SLC2A13: variants seen among roughly 807,000 people sequenced by gnomAD.
SLC2A13 encodes the protein proton myo-inositol cotransporter.
In SLC2A13, 32 loss-of-function variants were observed where a neutral mutation model predicts 64.4. The observed-to-expected ratio is 0.50, with a 90% CI of 0.37 to 0.67. The LOEUF is 0.67. Among genes scored for constraint, SLC2A13 ranks in the 30% least tolerant of loss-of-function variants. SLC2A13 has a pLI of 0.00. For missense variants in SLC2A13, 743 were observed against 829.2 expected, an observed-to-expected ratio of 0.90 and a Z score of 1.28; for synonymous variants, 338 against 327.1, an observed-to-expected ratio of 1.03 and a Z score of -0.36.
intron 3 of SLC2A13, among the ~76,000 whole-genome samples, chr12:39,969,238 T>G (rs1427374743): frequency 1.3e-5 from 2 of 152,208 alleles, no homozygotes; most frequent in Non-Finnish European, 2.9e-5. Flanking sequence ...TTTGCTATTG[T>G]GAGTAGTGCC....
chr12:39,948,830 A>G (rs1468959394), intron 4 of SLC2A13, among the ~76,000 whole-genome samples: 1 of 152,188 alleles, frequency 6.6e-6, no homozygotes, highest in Non-Finnish European at 1.5e-5. Context: ...AAATATCCAT[A>G]GAAAAGATAT....
At chr12:40,085,661 T>A (rs1425409672) in intron 1 of SLC2A13, among the ~76,000 whole-genome samples, 1 of 152,206 alleles carries the variant, frequency 6.6e-6, no homozygotes, top group Non-Finnish European at 1.5e-5. Context: ...GGGGCCTAAG[T>A]AGGTGGCAGA....
intron 4 of SLC2A13, among the ~76,000 whole-genome samples, chr12:39,896,260 ATGTGTG>A (rs773197114): frequency 1.1e-5 from 1 of 94,806 alleles, no homozygotes; most frequent in African/African-American, 3.8e-5. Flanking sequence ...ATGTATGTAT[ATGTGTG>A]TATATATGTA....
chr12:39,770,828 T>G (rs556052297), intron 7 of SLC2A13, among the ~76,000 whole-genome samples: 8 of 152,280 alleles, frequency 5.3e-5, no homozygotes, highest in African/African-American at 1.9e-4. Context: ...CCTTTATACT[T>G]TTAAGTCCAA....
intron 4 of SLC2A13, among the ~76,000 whole-genome samples, chr12:39,876,588 G>A (rs1944189773): frequency 1.3e-5 from 2 of 152,096 alleles, no homozygotes; most frequent in South Asian, 4.1e-4. Context: ...ACTGATAATA[G>A]AGAGGTAGAA....
At chr12:40,100,883 T>C (rs1939121019) in intron 1 of SLC2A13, among the ~76,000 whole-genome samples, 1 of 142,432 alleles carries the variant, frequency 7.0e-6, no homozygotes, top group African/African-American at 2.7e-5. Context: ...GAGAATCGCT[T>C]GAACCTGGGA....
intron 6 of SLC2A13, among the ~76,000 whole-genome samples, chr12:39,843,806 G>GT (rs1375456172): frequency 1.3e-5 from 2 of 151,910 alleles, no homozygotes; most frequent in East Asian, 1.9e-4. Context: ...TTTTGTTATT[G>GT]TTTTTTAATA....
chr12:40,065,254 C>G (rs1377077155), intron 1 of SLC2A13, among the ~76,000 whole-genome samples: 1 of 152,100 alleles, frequency 6.6e-6, no homozygotes, highest in East Asian at 1.9e-4. Context: ...ACTCAAATCT[C>G]TCTGCTACCC....
chr12:39,851,840 C>A (rs1224138140), intron 6 of SLC2A13, among the ~76,000 whole-genome samples: 2 of 152,118 alleles, frequency 1.3e-5, no homozygotes, highest in Non-Finnish European at 2.9e-5. Context: ...CCATCTATTT[C>A]CCTGTGTCAA....
intron 7 of SLC2A13, among the ~76,000 whole-genome samples, chr12:39,805,718 G>T (rs1410227951): frequency 6.6e-6 from 1 of 152,208 alleles, no homozygotes; most frequent in South Asian, 2.1e-4. Flanking sequence ...AGTGAAGGGA[G>T]TTGGAGGAGG....
At chr12:40,058,734 C>T (rs1443335453) in intron 1 of SLC2A13, among the ~76,000 whole-genome samples, 1 of 152,120 alleles carries the variant, frequency 6.6e-6, no homozygotes, top group African/African-American at 2.4e-5. Context: ...AAACTTTTTC[C>T]TGTAGGGCTG....
At chr12:39,768,067 G>A (rs1461486331) in intron 7 of SLC2A13, among the ~76,000 whole-genome samples, 3 of 152,032 alleles carry the variant, frequency 2.0e-5, no homozygotes, top group African/African-American at 7.2e-5. Context: ...ATAACTTGAC[G>A]CAGCTTCTCC....
intron 4 of SLC2A13, among the ~76,000 whole-genome samples, chr12:39,899,358 G>T (rs1479207579): frequency 6.6e-6 from 1 of 152,058 alleles, no homozygotes; most frequent in African/African-American, 2.4e-5. Context: ...GCATCTATTT[G>T]ATTCTCCTCT....
At chr12:39,862,118 T>G (rs1396447942) in intron 6 of SLC2A13, among the ~76,000 whole-genome samples, 1 of 152,226 alleles carries the variant, frequency 6.6e-6, no homozygotes, top group Non-Finnish European at 1.5e-5. Context: ...AGACATTCTT[T>G]AATACATTCA....
At chr12:39,783,185 A>G (rs1159053917) in intron 7 of SLC2A13, among the ~76,000 whole-genome samples, 2 of 152,166 alleles carry the variant, frequency 1.3e-5, no homozygotes, top group Non-Finnish European at 2.9e-5. Context: ...CCATGTCCCT[A>G]CGAAGGACAT....
At chr12:39,896,575 T>C (rs1286783170) in intron 4 of SLC2A13, among the ~76,000 whole-genome samples, 1 of 76,086 alleles carries the variant, frequency 1.3e-5, no homozygotes, top group African/African-American at 4.8e-5. Context: ...TATGTATGTA[T>C]GTGTGTATAT....
intron 2 of SLC2A13, among the ~76,000 whole-genome samples, chr12:40,029,421 G>A (rs942488440): frequency 1.3e-5 from 2 of 152,058 alleles, no homozygotes; most frequent in African/African-American, 4.8e-5. Context: ...ACTTCTCTAG[G>A]TATGTTCTAG....
intron 3 of SLC2A13, among the ~76,000 whole-genome samples, chr12:39,966,120 T>C (rs1946507913): frequency 1.4e-5 from 2 of 138,824 alleles, no homozygotes; most frequent in South Asian, 2.3e-4. Context: ...TAGAGATGTG[T>C]GTGTGTATAT....
intron 7 of SLC2A13, chr12:39,829,404 T>TTTTTTTTTG (rs1942790449): frequency 9.6e-6 from 1 of 103,976 alleles, no homozygotes; most frequent in Admixed American, 1.2e-4. Context: ...TTTTTTTTTT[T>TTTTTTTTTG]TTTTTTTTTT....
Sources: allele counts gnomAD v4.1 joint callset (sites outside exome capture counted in the v4.1 genomes callset), GRCh38; gene constraint gnomAD v4.1.1; transcripts MANE v1.5; gene names NCBI Gene and HGNC (gene_info 2026-07-23, HGNC 2026-07-21).